The following C1orf94 variants were observed in gnomAD, a reference collection of about 807,000 sequenced individuals.
The protein encoded by C1orf94 is chromosome 1 open reading frame 94.
A neutral mutation model predicts 53.6 loss-of-function variants in C1orf94; 45 were observed. The ratio of observed to expected loss-of-function variants is 0.84; its 90% confidence interval spans 0.66 to 1.08. The LOEUF is 1.08. Among genes scored for constraint, C1orf94 ranks in the 50% least tolerant of loss-of-function variants. The probability of loss-of-function intolerance (pLI) is 0.00; values close to 1 mark genes in which losing one functional copy is unlikely to be tolerated. For missense variants in C1orf94, 762 were observed against 738.9 expected, an observed-to-expected ratio of 1.03 and a Z score of -0.36; for synonymous variants, 304 against 296.1, an observed-to-expected ratio of 1.03 and a Z score of -0.27.
intron 1 of C1orf94, among the ~76,000 whole-genome samples, chr1:34,191,215 C>A (rs1344230443): frequency 6.6e-6 from 1 of 152,174 alleles, no homozygotes; most frequent in Non-Finnish European, 1.5e-5. Flanking sequence ...GGGGCCATTA[C>A]TATAATTAGT....
chr1:34,202,493 C>T (rs1026238448), intron 4 of C1orf94, among the ~76,000 whole-genome samples: 12 of 152,250 alleles, frequency 7.9e-5, no homozygotes, highest in Non-Finnish European at 1.6e-4. Context: ...TGCATGCGTG[C>T]GCACACCTCC....
intron 1 of C1orf94, among the ~76,000 whole-genome samples, chr1:34,183,366 C>T (rs184666472): frequency 3.3e-5 from 5 of 152,334 alleles, no homozygotes; most frequent in African/African-American, 7.2e-5. Flanking sequence ...CTGTTGACTC[C>T]GTTGCCCTAA....
Position 34,177,924 on chromosome 1 carries a change from C to A in C1orf94, c.135C>A (p.Gly45=). ...TGGCCAAGGGCCCCTGCGCCCTGGG[C>A]CCATTCCCCAGATACATCTGGATCC... The part of the protein sequence containing the change: ...ALVAKGPCAL[G]PFPRYIWIHQ... Residue 45 remains glycine (G), a synonymous_variant, in exon 1 of 7, where the codon GGC becomes GGA. Coordinates refer to ENST00000488417, the MANE Select transcript of C1orf94 (RefSeq NM_001134734.2). 4 of 1,551,702 alleles carry A rather than the reference C, an allele frequency of 2.6e-6. No individual in the cohort carries two copies. Among genetic ancestry groups the A allele is most frequent in the Non-Finnish European group, 3.5e-6 (4 of 1,146,982 alleles).
At chr1:34,218,092 G>A (rs954458431) in intron 6 of C1orf94, among the ~76,000 whole-genome samples, 1 of 152,128 alleles carries the variant, frequency 6.6e-6, no homozygotes, top group Non-Finnish European at 1.5e-5. Flanking sequence ...GCTCTTAGAC[G>A]GTGAGGCTCA....
chr1:34,188,708 T>C (rs1642427093), intron 1 of C1orf94, among the ~76,000 whole-genome samples: 1 of 152,112 alleles, frequency 6.6e-6, no homozygotes, highest in Non-Finnish European at 1.5e-5. Flanking sequence ...CACTTAATCC[T>C]CACTGCGGCC....
At chr1:34,193,669 T>C (rs995917548) in intron 1 of C1orf94, among the ~76,000 whole-genome samples, 1 of 152,258 alleles carries the variant, frequency 6.6e-6, no homozygotes, top group South Asian at 2.1e-4. Flanking sequence ...ATTCTTCCCA[T>C]ATGTAAAGTG....
At chr1:34,211,362 G>A (rs1465766253) in intron 5 of C1orf94, among the ~76,000 whole-genome samples, 2 of 152,140 alleles carry the variant, frequency 1.3e-5, no homozygotes, top group Admixed American at 6.5e-5. Flanking sequence ...GGGCTGGGGA[G>A]ATAGTGGTCA....
At chr1:34,218,262 T>G (rs75064249) in intron 6 of C1orf94, among the ~76,000 whole-genome samples, 1,964 of 152,254 alleles carry the variant, frequency 0.013, 37 homozygotes, top group African/African-American at 0.045. Context: ...AAAGACCTTA[T>G]GCTGGACTTG....
chr1:34,211,082 A>C (rs1289442406), intron 5 of C1orf94, among the ~76,000 whole-genome samples: 2 of 152,104 alleles, frequency 1.3e-5, no homozygotes, highest in African/African-American at 4.8e-5. Flanking sequence ...TTCAAATTCT[A>C]ACTGATACTC....
At chr1:34,202,281 T>C (rs773731063) in intron 4 of C1orf94, 22 bp downstream of exon 4, 5 of 1,610,042 alleles carry the variant, frequency 3.1e-6, no homozygotes, top group Admixed American at 1.7e-5. Context: ...GGCCTGGCTC[T>C]CCTGTGGACA....
At chr1:34,205,709 G>A (rs1025408335) in intron 4 of C1orf94, among the ~76,000 whole-genome samples, 1 of 152,186 alleles carries the variant, frequency 6.6e-6, no homozygotes, top group African/African-American at 2.4e-5. Flanking sequence ...GGGACAGAGA[G>A]GAGAAATGGG....
intron 1 of C1orf94, among the ~76,000 whole-genome samples, chr1:34,196,173 C>T (rs1642575450): frequency 6.6e-6 from 1 of 152,160 alleles, no homozygotes; most frequent in South Asian, 2.1e-4. Flanking sequence ...GCCAAGAGTG[C>T]TGGTGAGGTG....
In C1orf94 at chr1:34,189,584, G is replaced by A. The variant is rs114654065; in HGVS notation, c.321-7641G>A. 6.1e-3 allele frequency among the ~76,000 whole-genome samples: 936 copies of A among 152,250 alleles called. 14 individuals are homozygous for A. The highest frequency in any genetic ancestry group is 0.021 in the African/African-American group (883 of 41,518). Reference sequence around the variant, plus strand: ...GGGTCTCTGATCCCTATGCAGACAGGTAGACTCAGAAGTGCCCACCGGCCT... The same window carrying A: ...GGGTCTCTGATCCCTATGCAGACAGATAGACTCAGAAGTGCCCACCGGCCT... On this transcript the variant is annotated intron_variant, in intron 1 of 6. Transcript: ENST00000488417.
In C1orf94 at chr1:34,171,457, A is replaced by AGATGGATG. The variant is rs74536993; in HGVS notation, c.-251+4299_-251+4306dup. Among the ~76,000 whole-genome samples, 74 of 151,064 alleles carry AGATGGATG rather than the reference A, an allele frequency of 4.9e-4. 1 individual carries two copies. Among genetic ancestry groups the AGATGGATG allele is most frequent in the Non-Finnish European group, 8.8e-4 (60 of 67,876 alleles). On this transcript the variant is annotated intron_variant, in intron 1 of 6. Transcript: ENST00000373374. ...ATTTTTGCTGGATGAATGGATAAAC[A>AGATGGATG]GATGGATGGATGGATGGATGAATGG... is the stretch of plus-strand genomic sequence containing the variant.
rs774895568 is a variant in C1orf94, at chr1:34,208,167, C to G, written c.1457C>G (p.Pro486Arg). The G allele has an allele frequency of 6.2e-7, 1 of 1,614,030 alleles. No homozygotes were observed. Among genetic ancestry groups the G allele is most frequent in the African/African-American group, 1.3e-5 (1 of 74,942 alleles). ...TCTGTTTCTCCCCAGGGCCTGTACC[C>G]ACAGCAGGCAGCGAGGATGCCCTAT... ...STFLQYQGLY[P>R]QQAARMPYQQ... Residue 486 changes from proline to arginine, a missense_variant, in exon 5 of 7, where the codon CCA becomes CGA. By Grantham distance (103) the Pro-to-Arg change is moderately radical. Coordinates refer to ENST00000488417, the MANE Select transcript of C1orf94 (RefSeq NM_001134734.2).
chr1:34,193,491 T>C (rs760866615), intron 1 of C1orf94, among the ~76,000 whole-genome samples: 1 of 152,028 alleles, frequency 6.6e-6, no homozygotes, highest in African/African-American at 2.4e-5. Flanking sequence ...TGCATTCAGA[T>C]TGGGGAACAA....
chr1:34,206,085 G>A (rs117008255), intron 4 of C1orf94, among the ~76,000 whole-genome samples: 53 of 152,306 alleles, frequency 3.5e-4, no homozygotes, highest in East Asian at 3.3e-3. Flanking sequence ...ACTGAGCAGC[G>A]GTGGGCAGCT....
At position 34,201,041 on chromosome 1, in the gene C1orf94, ACCTAC is replaced by A. The variant is rs781020585; in HGVS notation, c.1270+12_1270+16del. ...TGGGCCGGAGCTGAAATGTGAGCTG[ACCTAC>A]CCAGGGAGGGATTGGAGGGGAGGGG... On this transcript the variant is annotated intron_variant, in intron 3 of 6. Coordinates refer to ENST00000488417, the MANE Select transcript of C1orf94 (RefSeq NM_001134734.2). The A allele has an allele frequency of 3.2e-6, 5 of 1,575,344 alleles. No individual in the cohort carries two copies. The highest frequency in any genetic ancestry group is 3.7e-5 in the Admixed American group (2 of 53,522).
intron 5 of C1orf94, 69 bp from the exon 6 acceptor site, chr1:34,212,141 G>A (rs1642899809): frequency 7.1e-6 from 10 of 1,414,088 alleles, no homozygotes; most frequent in Admixed American, 2.1e-5. Context: ...GAGACTGGGG[G>A]TGGGTGGCTG....
Sources: gnomAD v4.1 joint callset for allele counts (sites outside exome capture counted in the v4.1 genomes callset) on GRCh38, gnomAD v4.1.1 for gene constraint, MANE v1.5 for transcripts, NCBI Gene and HGNC (gene_info 2026-07-23, HGNC 2026-07-21) for gene names.